The following CHI3L1 variants were observed in gnomAD, a reference collection of about 807,000 sequenced individuals.
CHI3L1 encodes the protein chitinase-3-like protein 1.
Under a neutral mutation model 40.7 loss-of-function variants are expected in CHI3L1, and 30 were observed. The ratio of observed to expected loss-of-function variants is 0.74; its 90% CI spans 0.55 to 1.00. CHI3L1 has a LOEUF of 1.00. Ranked by LOEUF, CHI3L1 falls within the 50% of genes least tolerant of loss-of-function variation. The probability of loss-of-function intolerance (pLI) is 0.00; values close to 1 mark genes in which losing one functional copy is unlikely to be tolerated. For synonymous variants in CHI3L1, 210 were observed against 192.1 expected (o/e 1.09, Z -0.77); for missense variants, 493 against 492.2 (o/e 1.00, Z -0.01).
At chr1:203,181,516 G>A (rs959431419) in intron 6 of CHI3L1, 32 of 364,544 alleles carry the variant, frequency 8.8e-5, no homozygotes, top group Non-Finnish European at 1.5e-4. Flanking sequence ...AGCTACTCGG[G>A]AGGCTGAGGC....
chr1:203,183,287 G>T (rs774993366), intron 5 of CHI3L1, among the ~76,000 whole-genome samples: 1 of 152,186 alleles, frequency 6.6e-6, no homozygotes, highest in Non-Finnish European at 1.5e-5. Flanking sequence ...TACTTAGGCT[G>T]CCCCCAGGCA....
intron 3 of CHI3L1, 134 bp from the exon 4 acceptor site, chr1:203,184,766 C>A: frequency 2.9e-6 from 2 of 697,490 alleles, no homozygotes. Flanking sequence ...TGATGTCCTC[C>A]CATAGGACAT....
Position 203,179,264 on chromosome 1 carries a change from CCT to C in CHI3L1, c.*179_*180del. On this transcript the variant is annotated 3_prime_UTR_variant, in exon 10 of 10. Coordinates refer to ENST00000255409, the MANE Select transcript of CHI3L1 (RefSeq NM_001276.4). ...CACTATCCCCACAGCCCCATCCCTA[CCT>C]CTCTGCCCACCAGGGCTGAGCTCAA... 1.9e-6 allele frequency: 1 copy of C among 527,976 alleles called. No homozygotes were observed. Among genetic ancestry groups the C allele is most frequent in the South Asian group, 4.1e-5 (1 of 24,126 alleles). 32.7% of individuals were successfully genotyped at this position (527,976 alleles called of 1,614,324 possible).
At position 203,179,615 on chromosome 1, in the gene CHI3L1, T is replaced by C. The variant is rs750514890; in HGVS notation, c.1012-30A>G. On this transcript the variant is annotated intron_variant, in intron 9 of 9. Transcript: ENST00000255409. ...CAGGGGAGGCCCAGAGGAGCAGGGC[T>C]GGGTTCCCTGACCCAGAGTGTGTAC... The C allele has an allele frequency of 5.0e-6, 8 of 1,613,354 alleles. No individual in the cohort carries two copies. In the Middle Eastern group the frequency reaches 6.6e-4, roughly 133 times the overall value.
At chr1:203,181,114 G>A in intron 7 of CHI3L1, 48 bp downstream of exon 7, 2 of 1,605,042 alleles carry the variant, frequency 1.2e-6, no homozygotes, top group Non-Finnish European at 8.5e-7. Flanking sequence ...CTGGCAGATG[G>A]CAGGTCTTGC....
intron 2 of CHI3L1, 41 bp from the exon 3 acceptor site, chr1:203,185,426 G>A: frequency 6.3e-7 from 1 of 1,578,192 alleles, no homozygotes; most frequent in African/African-American, 1.3e-5. Flanking sequence ...CCAGGATTCG[G>A]CAAGAGACCT....
At chr1:203,181,648 C>A in intron 6 of CHI3L1, 1 of 185,910 alleles carries the variant, frequency 5.4e-6, no homozygotes, top group South Asian at 9.5e-5. Context: ...CTATTTAAGG[C>A]TCCAGCAGGA....
rs563607901 is a variant in CHI3L1 at position 203,180,665 on chromosome 1, G to T, written c.712-13C>A. The T allele has an allele frequency of 7.6e-5, 116 of 1,523,670 alleles. No individual in the cohort carries two copies. In the South Asian group the frequency reaches 1.0e-3, roughly 13 times the overall value. 94.4% of individuals were successfully genotyped at this position (1,523,670 alleles called of 1,614,324 possible). ...CCACAGCATAGTCCTGGGTGGGGTA[G>T]GGTGGGAACAACGTGAGCAGTTAGT... On this transcript the variant is annotated splice_polypyrimidine_tract_variant and intron_variant, in intron 7 of 9. Coordinates refer to ENST00000255409, the MANE Select transcript of CHI3L1 (RefSeq NM_001276.4).
At chr1:203,180,064 G>C in intron 8 of CHI3L1, 187 bp from the exon 9 acceptor site, 1 of 617,458 alleles carries the variant, frequency 1.6e-6, no homozygotes, top group Non-Finnish European at 2.8e-6. Flanking sequence ...CCCAGAGATG[G>C]TGGCTGCCTT....
At chr1:203,185,464 T>C in intron 2 of CHI3L1, 79 bp from the exon 3 acceptor site, 1 of 1,242,204 alleles carries the variant, frequency 8.1e-7, no homozygotes, top group Non-Finnish European at 1.2e-6. Context: ...TGAGCACCAA[T>C]GGGGTGTGGG....
intron 5 of CHI3L1, 41 bp downstream of exon 5, chr1:203,183,600 T>A (rs1408324613): frequency 6.2e-7 from 1 of 1,609,794 alleles, no homozygotes; most frequent in Non-Finnish European, 8.5e-7. Flanking sequence ...CATTCCCTCA[T>A]GCCTGCCCAC....
chr1:203,180,208 C>T, intron 8 of CHI3L1: 1 of 564,576 alleles, frequency 1.8e-6, no homozygotes. Context: ...TCTGCTCTTT[C>T]CTGGGCTGGA....
chr1:203,182,253 C>A, intron 6 of CHI3L1: 1 of 160,738 alleles, frequency 6.2e-6, no homozygotes. Context: ...TCCTCACAGG[C>A]ATGAGGGGTG....
Position 203,186,676 on chromosome 1 carries a change from C to T in CHI3L1, c.-53G>A. 2 of 1,611,328 alleles carry T rather than the reference C, an allele frequency of 1.2e-6. No individual in the cohort carries two copies. Among genetic ancestry groups the T allele is most frequent in the South Asian group, 1.1e-5 (1 of 91,018 alleles). On this transcript the variant is annotated 5_prime_UTR_variant, in exon 1 of 10. Transcript: ENST00000255409. ...GTGGCCTCTTCCCTTGCCCACGGCT[C>T]CTGGTGCCAGCTACCTAGACAGGGC...
At chr1:203,179,695 C>T (rs1308217697) in intron 9 of CHI3L1, 66 bp downstream of exon 9, 3 of 1,614,112 alleles carry the variant, frequency 1.9e-6, no homozygotes, top group Non-Finnish European at 2.5e-6. Context: ...GGACAGGAAT[C>T]TGGCTGCTGG....
intron 3 of CHI3L1, among the ~76,000 whole-genome samples, chr1:203,184,959 C>T (rs1656024014): frequency 6.6e-6 from 1 of 152,098 alleles, no homozygotes; most frequent in Admixed American, 6.5e-5. Context: ...GGAGAGGGTT[C>T]CCCTCTCCCA....
Position 203,180,634 on chromosome 1 carries a change from T to G in CHI3L1, c.730A>C (p.Met244Leu), listed in dbSNP as rs777563441. The change falls in exon 8 of 10, where the codon ATG (methionine) becomes CTG (leucine). Residue 244 changes from methionine (M) to leucine (L), a missense_variant. Transcript: ENST00000255409. Reference protein sequence around the residue: ...FSNTDYAVGYMLRLGAPASKL... With the variant: ...FSNTDYAVGYLLRLGAPASKL... ...CTGGCAGGAGCCCCCAGCCTCAACA[T>G]GTACCCCACAGCATAGTCCTGGGTG... The G allele has an allele frequency of 4.3e-5, 68 of 1,599,602 alleles. No individual in the cohort carries two copies. The highest frequency in any genetic ancestry group is 4.7e-5 in the Non-Finnish European group (55 of 1,171,392).
rs754630082 is a variant in CHI3L1, at chr1:203,180,432, G to T, written c.894+38C>A. On this transcript the variant is annotated intron_variant, in intron 8 of 9. Transcript: ENST00000255409. ...AATCACCTTCCCCAGGGCTGCTGGTGGTGTGGGGGAATCCTACCTTCTCCC... is the reference window on the plus strand; with the variant it reads ...AATCACCTTCCCCAGGGCTGCTGGTTGTGTGGGGGAATCCTACCTTCTCCC... The T allele has an allele frequency of 2.0e-6, 3 of 1,491,896 alleles. No individual in the cohort carries two copies. In the South Asian group the frequency reaches 4.1e-5, roughly 20 times the overall value. The allele number at this position is 1,491,896 out of a possible 1,614,324, so 92.4% of individuals were successfully genotyped here. A position where few individuals can be genotyped will look rare whatever the true frequency, so the allele number is the denominator to read the frequency against.
At position 203,179,604 on chromosome 1, in the gene CHI3L1, A is replaced by G. The variant is rs758424133; in HGVS notation, c.1012-19T>C. ...ACTGCACCTGGCAGGGGAGGCCCAG[A>G]GGAGCAGGGCTGGGTTCCCTGACCC... On this transcript the variant is annotated intron_variant, in intron 9 of 9. Transcript: ENST00000255409. 5.5e-5 allele frequency: 89 copies of G among 1,612,526 alleles called. No homozygotes were observed. Among genetic ancestry groups the G allele is most frequent in the Non-Finnish European group, 7.0e-5 (82 of 1,178,916 alleles).
Sources: allele counts gnomAD v4.1 joint callset (sites outside exome capture counted in the v4.1 genomes callset), GRCh38; gene constraint gnomAD v4.1.1; transcripts MANE v1.5; gene names NCBI Gene and HGNC (gene_info 2026-07-23, HGNC 2026-07-21).